Variants in CDH8 observed in about 807,000 individuals in gnomAD.
The protein encoded by CDH8 is cadherin 8, also known as cadherin-8.
A neutral mutation model predicts 68.1 loss-of-function variants in CDH8; 17 were observed. The ratio of observed to expected loss-of-function variants is 0.25; its 90% CI spans 0.17 to 0.37. The LOEUF is 0.37. Ranked by LOEUF, CDH8 falls within the 10% of genes least tolerant of loss-of-function variation. CDH8 has a pLI of 1.00. For missense variants in CDH8, 763 were observed against 999.3 expected, an observed-to-expected ratio of 0.76 and a Z score of 3.19; for synonymous variants, 372 against 365.1, an observed-to-expected ratio of 1.02 and a Z score of -0.21.
At chr16:61,849,296 A>G (rs1962890179) in intron 4 of CDH8, among the ~76,000 whole-genome samples, 1 of 151,866 alleles carries the variant, frequency 6.6e-6, no homozygotes, top group Non-Finnish European at 1.5e-5. Flanking sequence ...AAATGTGGAA[A>G]TCTATGCCCA....
At chr16:61,832,559 A>T (rs2143004920) in intron 4 of CDH8, among the ~76,000 whole-genome samples, 1 of 151,940 alleles carries the variant, frequency 6.6e-6, no homozygotes, top group African/African-American at 2.4e-5. Flanking sequence ...TTGTTTATAC[A>T]TTTTGACCAG....
At chr16:61,967,414 G>A (rs1417816907) in intron 2 of CDH8, among the ~76,000 whole-genome samples, 1 of 152,120 alleles carries the variant, frequency 6.6e-6, no homozygotes, top group Admixed American at 6.6e-5. Context: ...CTCATGCTGG[G>A]ATTAAAATAT....
intron 2 of CDH8, among the ~76,000 whole-genome samples, chr16:61,917,969 T>A (rs57735651): frequency 8.5e-5 from 2 of 23,642 alleles, no homozygotes; most frequent in African/African-American, 1.5e-3. Context: ...AGTTATTTGC[T>A]TTTTTTTTTT....
chr16:61,908,042 C>CAAAAAAAAAAAAAAA, intron 2 of CDH8, among the ~76,000 whole-genome samples: 1 of 91,608 alleles, frequency 1.1e-5, no homozygotes, highest in Non-Finnish European at 2.2e-5. Context: ...GACTCAGTCT[C>CAAAAAAAAAAAAAAA]AAAAAAAAAA....
intron 4 of CDH8, among the ~76,000 whole-genome samples, chr16:61,842,868 C>A (rs559735274): frequency 6.6e-6 from 1 of 152,146 alleles, no homozygotes; most frequent in Non-Finnish European, 1.5e-5. Flanking sequence ...TGTGAAAATT[C>A]AGCACCTTGA....
At chr16:61,748,583 A>G (rs1199048371) in intron 8 of CDH8, among the ~76,000 whole-genome samples, 2 of 151,134 alleles carry the variant, frequency 1.3e-5, no homozygotes, top group South Asian at 2.1e-4. Flanking sequence ...CTAGGTAAAG[A>G]AAAAAAAAGG....
intron 5 of CDH8, 85 bp downstream of exon 5, chr16:61,824,927 T>C: frequency 8.2e-7 from 1 of 1,216,538 alleles, no homozygotes; most frequent in Non-Finnish European, 1.2e-6. Context: ...GCTGTCAGGT[T>C]TTTAATTATC....
intron 3 of CDH8, among the ~76,000 whole-genome samples, chr16:61,862,328 G>A (rs1963166349): frequency 6.6e-6 from 1 of 152,072 alleles, no homozygotes; most frequent in Non-Finnish European, 1.5e-5. Context: ...CTAGACACCG[G>A]GCACATCATC....
chr16:61,838,428 C>T (rs566926662), intron 4 of CDH8, among the ~76,000 whole-genome samples: 5 of 152,240 alleles, frequency 3.3e-5, no homozygotes, highest in African/African-American at 1.2e-4. Context: ...TCACTGATTA[C>T]CTCCTATTTG....
At chr16:61,936,008 C>G (rs778401680) in intron 2 of CDH8, among the ~76,000 whole-genome samples, 3 of 152,082 alleles carry the variant, frequency 2.0e-5, no homozygotes, top group Non-Finnish European at 2.9e-5. Context: ...AGAGACCCAC[C>G]ACATACTAGC....
chr16:61,670,618 A>T (rs893615022), intron 10 of CDH8, among the ~76,000 whole-genome samples: 1 of 152,064 alleles, frequency 6.6e-6, no homozygotes, highest in Non-Finnish European at 1.5e-5. Flanking sequence ...ACATAGAATT[A>T]TTACTTGTTG....
intron 4 of CDH8, among the ~76,000 whole-genome samples, chr16:61,850,257 G>T (rs550043829): frequency 1.3e-5 from 2 of 152,098 alleles, no homozygotes; most frequent in South Asian, 4.1e-4. Flanking sequence ...AGAGAGGGAG[G>T]TGCCAGGCTC....
At position 61,851,584 on chromosome 16, in the gene CDH8, G is replaced by A. The variant is rs77464585; in HGVS notation, c.667+5535C>T. On this transcript the variant is annotated intron_variant, in intron 4 of 11. Transcript: ENST00000577390. Reference sequence around the variant, plus strand: ...TCAAATTAGTGCCTTTTAAATAAATGCCACATTTCTCCTTGTCTGTGCCCA... The same window carrying A: ...TCAAATTAGTGCCTTTTAAATAAATACCACATTTCTCCTTGTCTGTGCCCA... Among the ~76,000 whole-genome samples the A allele has an allele frequency of 6.8e-4, 104 of 151,944 alleles. No homozygotes were observed. In the East Asian group the frequency reaches 0.018, roughly 26 times the overall value.
chr16:61,950,004 C>A (rs1039596168), intron 2 of CDH8, among the ~76,000 whole-genome samples: 2 of 142,558 alleles, frequency 1.4e-5, no homozygotes, highest in East Asian at 2.0e-4. Context: ...AAAAAAAAAT[C>A]CTAAGCTTCA....
chr16:61,754,833 G>T lies in CDH8; in HGVS notation c.1415-27618C>A, dbSNP rs947104588. 7.9e-5 allele frequency among the ~76,000 whole-genome samples: 12 copies of T among 152,134 alleles called. No individual in the cohort carries two copies. In the East Asian group the frequency reaches 2.1e-3, roughly 27 times the overall value. On this transcript the variant is annotated intron_variant, in intron 8 of 11. Transcript: ENST00000577390. The stretch of plus-strand genomic sequence containing the variant: ...AGGTTACCTGGGTATATTGTATGAT[G>T]TGATGCTGAGATTTGGGGTATGAAT...
In CDH8 at chr16:61,817,716, G is replaced by T; in HGVS notation, c.1040C>A (p.Thr347Asn). ...IRLRKPLDFETKKSYTLKVEA... is the reference protein window; with the variant it reads ...IRLRKPLDFENKKSYTLKVEA... ...TACCTTTAGCGTATAGGATTTTTTGGTCTCAAAGTCCAGAGGCTGTTAAGA... is the reference window on the plus strand; with the variant it reads ...TACCTTTAGCGTATAGGATTTTTTGTTCTCAAAGTCCAGAGGCTGTTAAGA... Residue 347 changes from threonine to asparagine, a missense_variant, in exon 7 of 12, where the codon ACC (threonine) becomes AAC (asparagine). Physicochemically the swap from Thr to Asn is moderately conservative, Grantham distance 65. Coordinates refer to ENST00000577390, the MANE Select transcript of CDH8 (RefSeq NM_001796.5). The T allele has an allele frequency of 6.4e-7, 1 of 1,571,160 alleles. No individual in the cohort carries two copies. Among genetic ancestry groups the T allele is most frequent in the Non-Finnish European group, 8.6e-7 (1 of 1,161,424 alleles).
intron 10 of CDH8, among the ~76,000 whole-genome samples, chr16:61,696,405 C>A (rs758792224): frequency 1.3e-5 from 2 of 152,134 alleles, no homozygotes; most frequent in East Asian, 1.9e-4. Context: ...ATCAAAACCA[C>A]AATGAGACAC....
chr16:61,760,667 A>G (rs964795886), intron 8 of CDH8, among the ~76,000 whole-genome samples: 3 of 152,136 alleles, frequency 2.0e-5, no homozygotes, highest in African/African-American at 7.2e-5. Flanking sequence ...AGAAATATTT[A>G]AGTAGAATCT....
At chr16:61,891,577 G>GA (rs959251420) in intron 3 of CDH8, among the ~76,000 whole-genome samples, 1 of 152,048 alleles carries the variant, frequency 6.6e-6, no homozygotes, top group Non-Finnish European at 1.5e-5. Flanking sequence ...AAGTTAAAAA[G>GA]AAAAAGATTC....
Sources: allele counts gnomAD v4.1 joint callset (sites outside exome capture counted in the v4.1 genomes callset), GRCh38; gene constraint gnomAD v4.1.1; transcripts MANE v1.5; gene names NCBI Gene and HGNC (gene_info 2026-07-23, HGNC 2026-07-21).